The following THRB variants were observed in gnomAD, a reference collection of about 807,000 sequenced individuals.
The protein encoded by THRB is nuclear receptor subfamily 1 group A member 2.
In THRB, 12 loss-of-function variants were observed where a neutral mutation model predicts 47.8. The ratio of observed to expected loss-of-function variants is 0.25; its 90% confidence interval spans 0.16 to 0.41. The LOEUF (loss-of-function observed/expected upper bound fraction) is 0.41, where lower values mean the gene tolerates loss of function less well. Among genes scored for constraint, THRB ranks in the 10% least tolerant of loss-of-function variants. The pLI is 1.00. For missense variants in THRB, 348 were observed against 589.2 expected (o/e 0.59, Z 4.24); for synonymous variants, 218 against 212.2 (o/e 1.03, Z -0.24).
intron 1 of THRB, among the ~76,000 whole-genome samples, chr3:24,489,284 A>G (rs1276857407): frequency 6.6e-6 from 1 of 152,154 alleles, no homozygotes; most frequent in Non-Finnish European, 1.5e-5. Flanking sequence ...CACTATACCA[A>G]TATCATTTAA....
intron 4 of THRB, among the ~76,000 whole-genome samples, chr3:24,216,472 G>A (rs2046577060): frequency 6.6e-6 from 1 of 152,196 alleles, no homozygotes; most frequent in South Asian, 2.1e-4. Flanking sequence ...GCCGGGCGTG[G>A]TGGAGGGCAC....
At chr3:24,377,958 T>A (rs2065416713) in intron 1 of THRB, among the ~76,000 whole-genome samples, 1 of 152,156 alleles carries the variant, frequency 6.6e-6, no homozygotes, top group Non-Finnish European at 1.5e-5. Flanking sequence ...GATACAGGAA[T>A]CCAGTGGCAA....
chr3:24,123,042 G>A lies in THRB; in HGVS notation c.1228C>T (p.Arg410Ter), dbSNP rs2031979902. ...CAAAAGTGTGTCACGTGGTGTTTTC[G>A]GTAATTGATATAGTGTTCAAAGGCC... ...LLAFEHYINY[R>*]KHHVTHFWPK... Residue 410 changes from arginine (R) to a stop codon, truncating the protein, a stop_gained, in exon 11 of 11, where the codon CGA becomes TGA. Coordinates refer to ENST00000646209, the MANE Select transcript of THRB (RefSeq NM_001354712.2). LOFTEE classifies it high-confidence loss of function. 1.2e-6 allele frequency: 2 copies of A among 1,614,110 alleles called. No homozygotes were observed. Among genetic ancestry groups the A allele is most frequent in the Non-Finnish European group, 8.5e-7 (1 of 1,180,028 alleles).
chr3:24,206,043 A>T (rs1364980152), intron 4 of THRB, among the ~76,000 whole-genome samples: 3 of 152,168 alleles, frequency 2.0e-5, no homozygotes, highest in African/African-American at 7.2e-5. Flanking sequence ...CTCCCACACA[A>T]TAATAATGGG....
At chr3:24,465,709 T>A (rs2125702206) in intron 1 of THRB, among the ~76,000 whole-genome samples, 1 of 152,192 alleles carries the variant, frequency 6.6e-6, no homozygotes, top group Admixed American at 6.5e-5. Context: ...CGGCCTAGAA[T>A]TTTCCTTTAA....
intron 1 of THRB, among the ~76,000 whole-genome samples, chr3:24,464,920 A>AT (rs1461901629): frequency 6.6e-6 from 1 of 152,112 alleles, no homozygotes; most frequent in African/African-American, 2.4e-5. Flanking sequence ...TAAGTTCTGT[A>AT]TTTTTTTAAC....
At chr3:24,139,532 G>T (rs547776607) in intron 8 of THRB, among the ~76,000 whole-genome samples, 1 of 152,026 alleles carries the variant, frequency 6.6e-6, no homozygotes, top group South Asian at 2.1e-4. Context: ...CCACAGGTGA[G>T]TATCACCAAG....
At chr3:24,438,592 T>C (rs1417803487) in intron 1 of THRB, among the ~76,000 whole-genome samples, 1 of 151,646 alleles carries the variant, frequency 6.6e-6, no homozygotes, top group African/African-American at 2.4e-5. Flanking sequence ...CACGGGATCA[T>C]TGATGTTGGA....
chr3:24,280,721 C>T (rs1473146391), intron 3 of THRB, among the ~76,000 whole-genome samples: 1 of 152,016 alleles, frequency 6.6e-6, no homozygotes, highest in African/African-American at 2.4e-5. Flanking sequence ...ACTAGAATAA[C>T]CAATACAGAG....
intron 8 of THRB, among the ~76,000 whole-genome samples, chr3:24,140,349 C>A (rs2035272313): frequency 6.6e-6 from 1 of 152,082 alleles, no homozygotes; most frequent in Non-Finnish European, 1.5e-5. Context: ...TTTTAATTTT[C>A]TTTCTGAGTT....
chr3:24,242,959 T>C (rs1448032167), intron 3 of THRB, among the ~76,000 whole-genome samples: 2 of 151,700 alleles, frequency 1.3e-5, no homozygotes, highest in Non-Finnish European at 2.9e-5. Flanking sequence ...AGGGGTCATC[T>C]GTGGGGTTTT....
In THRB at chr3:24,208,188, A is replaced by C. The variant is rs548395655; in HGVS notation, c.23-17854T>G. ...AGAACTACAAACCATTGCTCAACAA[A>C]AAAAAAAAGAGGACACAAACAAATG... is the stretch of plus-strand genomic sequence containing the variant. On this transcript the variant is annotated intron_variant, in intron 4 of 10. Transcript: ENST00000646209. Among the ~76,000 whole-genome samples the C allele has an allele frequency of 7.9e-5, 12 of 151,966 alleles. No individual in the cohort carries two copies. In the East Asian group the frequency reaches 9.7e-4, roughly 12 times the overall value.
intron 1 of THRB, among the ~76,000 whole-genome samples, chr3:24,473,338 G>A (rs1429062233): frequency 6.6e-6 from 1 of 152,176 alleles, no homozygotes; most frequent in African/African-American, 2.4e-5. Flanking sequence ...TTTCTCTAAT[G>A]ACCAGTGATG....
chr3:24,348,446 A>C (rs185784365), intron 1 of THRB: 1 of 144,446 alleles, frequency 6.9e-6, no homozygotes, highest in Non-Finnish European at 1.5e-5. Context: ...AAACACACCA[A>C]TGAAATCCCC....
At chr3:24,176,772 G>T (rs1002924442) in intron 5 of THRB, among the ~76,000 whole-genome samples, 1 of 152,148 alleles carries the variant, frequency 6.6e-6, no homozygotes, top group African/African-American at 2.4e-5. Context: ...AAAGAAAAAT[G>T]GTTGCCAGAG....
intron 1 of THRB, among the ~76,000 whole-genome samples, chr3:24,403,642 G>A (rs1449340127): frequency 6.6e-6 from 1 of 151,926 alleles, no homozygotes; most frequent in Non-Finnish European, 1.5e-5. Context: ...CCATACAATT[G>A]CAGAAAAACA....
At chr3:24,200,250 A>G (rs2044435339) in intron 4 of THRB, among the ~76,000 whole-genome samples, 1 of 152,194 alleles carries the variant, frequency 6.6e-6, no homozygotes, top group Non-Finnish European at 1.5e-5. Flanking sequence ...GTCTGAACCC[A>G]CATTTTTCAA....
intron 2 of THRB, among the ~76,000 whole-genome samples, chr3:24,324,833 A>G (rs1385118931): frequency 2.0e-5 from 3 of 152,242 alleles, no homozygotes; most frequent in African/African-American, 7.2e-5. Flanking sequence ...TGATTTCCAG[A>G]AAATCAAGTA....
In THRB at chr3:24,205,270, A is replaced by T. The variant is rs550290529; in HGVS notation, c.23-14936T>A. Among the ~76,000 whole-genome samples, 16 of 152,362 alleles carry T rather than the reference A, an allele frequency of 1.1e-4. No individual in the cohort carries two copies. In the East Asian group the frequency reaches 2.9e-3, roughly 28 times the overall value. Reference sequence around the variant, plus strand: ...GCCAGAGAGAAAGGTCAGGTTACCCACAAAGGGAAGCCCATCAGACTAATA... The same window carrying T: ...GCCAGAGAGAAAGGTCAGGTTACCCTCAAAGGGAAGCCCATCAGACTAATA... On this transcript the variant is annotated intron_variant, in intron 4 of 10. Coordinates refer to ENST00000646209, the MANE Select transcript of THRB (RefSeq NM_001354712.2).
Sources: allele counts gnomAD v4.1 joint callset (sites outside exome capture counted in the v4.1 genomes callset), GRCh38; gene constraint gnomAD v4.1.1; transcripts MANE v1.5; gene names NCBI Gene and HGNC (gene_info 2026-07-23, HGNC 2026-07-21).